The following ARNT2 variants were observed in gnomAD, a reference collection of about 807,000 sequenced individuals.
The protein encoded by ARNT2 is ARNT protein 2.
A neutral mutation model predicts 91.7 loss-of-function variants in ARNT2; 36 were observed. That is an observed-to-expected ratio of 0.39 (90% CI 0.30 to 0.52). The LOEUF (loss-of-function observed/expected upper bound fraction) is 0.52, where lower values mean the gene tolerates loss of function less well. Among genes scored for constraint, ARNT2 ranks in the 20% least tolerant of loss-of-function variants. ARNT2 has a pLI of 0.72. For missense variants in ARNT2, 775 were observed against 939.3 expected (o/e 0.83, Z 2.29); for synonymous variants, 365 against 347.1 (o/e 1.05, Z -0.57).
intron 2 of ARNT2, among the ~76,000 whole-genome samples, chr15:80,454,075 T>C (rs1896445544): frequency 6.6e-6 from 1 of 152,254 alleles, no homozygotes; most frequent in African/African-American, 2.4e-5. Context: ...CCTTCATCAG[T>C]AAGTGTCTTA....
chr15:80,462,396 T>C (rs969251996), intron 3 of ARNT2, among the ~76,000 whole-genome samples: 3 of 152,236 alleles, frequency 2.0e-5, no homozygotes, highest in African/African-American at 4.8e-5. Flanking sequence ...GTATGCGTAA[T>C]GTGTCATTAA....
chr15:80,458,062 T>C, intron 3 of ARNT2, 86 bp downstream of exon 3: 2 of 1,436,660 alleles, frequency 1.4e-6, no homozygotes, highest in Non-Finnish European at 1.9e-6. Flanking sequence ...ACGTCTTTTG[T>C]CATTGCAAAA....
chr15:80,424,715 T>G (rs1288680291), intron 1 of ARNT2, among the ~76,000 whole-genome samples: 2 of 151,938 alleles, frequency 1.3e-5, no homozygotes, highest in Non-Finnish European at 2.9e-5. Flanking sequence ...GTGGTCTGAG[T>G]CATAATTTTT....
intron 1 of ARNT2, among the ~76,000 whole-genome samples, chr15:80,420,722 G>A (rs1895849829): frequency 6.6e-6 from 1 of 151,972 alleles, no homozygotes; most frequent in Non-Finnish European, 1.5e-5. Context: ...GAATATATAT[G>A]TACATATGTT....
At chr15:80,543,657 A>G (rs1353154529) in intron 8 of ARNT2, among the ~76,000 whole-genome samples, 1 of 152,158 alleles carries the variant, frequency 6.6e-6, no homozygotes, top group Admixed American at 6.5e-5. Flanking sequence ...ATTACTTTCT[A>G]TCTTTCATTT....
At chr15:80,532,242 G>T (rs1161441369) in intron 8 of ARNT2, among the ~76,000 whole-genome samples, 2 of 152,110 alleles carry the variant, frequency 1.3e-5, no homozygotes, top group Non-Finnish European at 2.9e-5. Flanking sequence ...CAGGATGTCT[G>T]AGTCAGGACA....
intron 1 of ARNT2, among the ~76,000 whole-genome samples, chr15:80,446,203 C>T (rs1203143449): frequency 6.6e-6 from 1 of 152,052 alleles, no homozygotes; most frequent in Non-Finnish European, 1.5e-5. Flanking sequence ...CACGTACATA[C>T]AGGTATAATG....
intron 1 of ARNT2, among the ~76,000 whole-genome samples, chr15:80,406,949 C>T (rs1895609511): frequency 6.6e-6 from 1 of 152,078 alleles, no homozygotes; most frequent in Non-Finnish European, 1.5e-5. Flanking sequence ...GGACATGGCT[C>T]AGGGTTTGAG....
At chr15:80,411,598 A>G (rs756995911) in intron 1 of ARNT2, among the ~76,000 whole-genome samples, 2 of 152,226 alleles carry the variant, frequency 1.3e-5, no homozygotes, top group African/African-American at 2.4e-5. Context: ...ACTTTCTAAT[A>G]AGGAGCCTTG....
At chr15:80,503,420 G>A (rs73489400) in intron 5 of ARNT2, among the ~76,000 whole-genome samples, 3,022 of 152,280 alleles carry the variant, frequency 0.02, 80 homozygotes, top group African/African-American at 0.07. Context: ...CAAGGAAACC[G>A]GAGAAGCACA....
chr15:80,492,416 C>T (rs1448883843), intron 5 of ARNT2, among the ~76,000 whole-genome samples: 1 of 152,170 alleles, frequency 6.6e-6, no homozygotes, highest in Non-Finnish European at 1.5e-5. Context: ...CTTTTCCAGT[C>T]TCTCGGGGTC....
At chr15:80,469,015 G>A (rs1896696855) in intron 3 of ARNT2, among the ~76,000 whole-genome samples, 1 of 152,196 alleles carries the variant, frequency 6.6e-6, no homozygotes, top group Non-Finnish European at 1.5e-5. Context: ...GTGTCTGGAG[G>A]CAGCCCTGCC....
At chr15:80,499,686 C>A (rs1258490046) in intron 5 of ARNT2, among the ~76,000 whole-genome samples, 1 of 152,142 alleles carries the variant, frequency 6.6e-6, no homozygotes, top group Non-Finnish European at 1.5e-5. Context: ...TGGATTCTAT[C>A]CTAGTCTTGG....
intron 11 of ARNT2, among the ~76,000 whole-genome samples, chr15:80,558,667 C>T (rs1898250822): frequency 6.6e-6 from 1 of 152,136 alleles, no homozygotes; most frequent in Non-Finnish European, 1.5e-5. Flanking sequence ...TCCTAATCTT[C>T]ACCACTGAGT....
chr15:80,464,694 A>T (rs561820244), intron 3 of ARNT2, among the ~76,000 whole-genome samples: 1 of 152,314 alleles, frequency 6.6e-6, no homozygotes, highest in African/African-American at 2.4e-5. Context: ...CCCTCTCTGC[A>T]GGTATCTGAC....
At chr15:80,575,459 A>T (rs192209540) in intron 14 of ARNT2, among the ~76,000 whole-genome samples, 162 of 152,304 alleles carry the variant, frequency 1.1e-3, no homozygotes, top group Non-Finnish European at 2.0e-3. Context: ...TGACCGAAGG[A>T]GGGAGAACTG....
At chr15:80,566,828 C>T (rs929127702) in intron 12 of ARNT2, among the ~76,000 whole-genome samples, 9 of 152,190 alleles carry the variant, frequency 5.9e-5, no homozygotes, top group Admixed American at 2.0e-4. Context: ...CTAGTCAAGA[C>T]GTTCTTGGTT....
chr15:80,578,619 T>C (rs893374070), intron 15 of ARNT2, among the ~76,000 whole-genome samples: 1 of 151,484 alleles, frequency 6.6e-6, no homozygotes, highest in African/African-American at 2.4e-5. Context: ...GCTGTTGTCA[T>C]AGAAACAAAA....
At chr15:80,467,525 A>T (rs1652902370) in intron 3 of ARNT2, among the ~76,000 whole-genome samples, 1 of 152,174 alleles carries the variant, frequency 6.6e-6, no homozygotes, top group African/African-American at 2.4e-5. Flanking sequence ...GTGTGGGTGC[A>T]TGGGAGGAAA....
Sources: allele counts gnomAD v4.1 joint callset (sites outside exome capture counted in the v4.1 genomes callset), GRCh38; gene constraint gnomAD v4.1.1; transcripts MANE v1.5; gene names NCBI Gene and HGNC (gene_info 2026-07-23, HGNC 2026-07-21).